The following ATP7A variants were observed in gnomAD, a reference collection of about 807,000 sequenced individuals.
ATP7A encodes the protein copper-transporting ATPase 1.
ATP7A carries 7 observed loss-of-function variants against 83.5 expected under a neutral mutation model. The observed-to-expected ratio is 0.08, with a 90% CI of 0.05 to 0.16. ATP7A has a LOEUF of 0.16. Among genes scored for constraint, ATP7A ranks in the 10% least tolerant of loss-of-function variants. The pLI is 1.00. For synonymous variants in ATP7A, 354 were observed against 395.2 expected (o/e 0.90, Z 1.24); for missense variants, 940 against 1,120.8 (o/e 0.84, Z 2.30).
intron 1 of ATP7A, chrX:77,962,939 A>G (rs1432990590): frequency 1.3e-5 from 4 of 303,779 alleles, no homozygotes; most frequent in Admixed American, 1.1e-4. Flanking sequence ...AATAATTCAT[A>G]CTTCCTCATA....
intron 7 of ATP7A, among the ~76,000 whole-genome samples, chrX:78,010,210 A>G (rs1557234256): frequency 1.8e-5 from 2 of 112,302 alleles, no homozygotes; most frequent in Non-Finnish European, 3.8e-5. Flanking sequence ...CAATGTGGTC[A>G]TATTCATTTT....
intron 1 of ATP7A, chrX:77,964,430 T>C (rs1557228440): frequency 9.0e-6 from 1 of 111,525 alleles, no homozygotes; most frequent in Admixed American, 9.5e-5. Flanking sequence ...TGGACTTTTT[T>C]TTTTATACTT....
intron 1 of ATP7A, among the ~76,000 whole-genome samples, chrX:77,932,232 G>A (rs1470448409): frequency 5.5e-5 from 6 of 109,196 alleles, no homozygotes; most frequent in African/African-American, 1.0e-4. Context: ...AGACGGGGTC[G>A]CGGCCGGGCA....
chrX:77,932,046 T>C (rs1337222451), intron 1 of ATP7A, among the ~76,000 whole-genome samples: 2 of 107,568 alleles, frequency 1.9e-5, no homozygotes, highest in African/African-American at 6.9e-5. Flanking sequence ...TGGCGGGGGC[T>C]GACCCCCACC....
At chrX:77,938,810 C>T (rs1453991611) in intron 1 of ATP7A, among the ~76,000 whole-genome samples, 2 of 111,812 alleles carry the variant, frequency 1.8e-5, no homozygotes, top group Non-Finnish European at 3.8e-5. Flanking sequence ...AACTTTGCTA[C>T]GTAGGTATAT....
At chrX:78,019,629 G>A (rs975320913) in intron 12 of ATP7A, among the ~76,000 whole-genome samples, 38 of 110,624 alleles carry the variant, frequency 3.4e-4, no homozygotes, top group African/African-American at 1.2e-3. Flanking sequence ...CACCATGCCT[G>A]GCTAACTTTT....
chrX:78,021,897 A>G (rs1447156002), intron 14 of ATP7A, among the ~76,000 whole-genome samples: 1 of 110,474 alleles, frequency 9.1e-6, no homozygotes, highest in Non-Finnish European at 1.9e-5. Context: ...AGCCTGCCCT[A>G]CTCCCCTACC....
At chrX:77,959,074 C>T (rs1347597427) in intron 1 of ATP7A, among the ~76,000 whole-genome samples, 1 of 111,165 alleles carries the variant, frequency 9.0e-6, no homozygotes, top group Non-Finnish European at 1.9e-5. Context: ...AGGTGTGAGC[C>T]AACGCACCCA....
At chrX:77,931,009 C>CTTTTTTTTTTTTTTTTTTTTTTTT (rs11379657) in intron 1 of ATP7A, among the ~76,000 whole-genome samples, 3 of 67,250 alleles carry the variant, frequency 4.5e-5, no homozygotes, top group Non-Finnish European at 5.3e-5. Flanking sequence ...TTTTTTTTAC[C>CTTTTTTTTTTTTTTTTTTTTTTTT]TTTTTTTTTA....
At chrX:77,995,358 A>C (rs782024669) in intron 4 of ATP7A, among the ~76,000 whole-genome samples, 1 of 110,562 alleles carries the variant, frequency 9.0e-6, no homozygotes, top group Admixed American at 9.6e-5. Flanking sequence ...TGAGGTCAGG[A>C]GTTCGAGACC....
In ATP7A at chrX:78,015,893, C is replaced by G. The variant is rs781862130; in HGVS notation, c.2626+12C>G. On this transcript the variant is annotated intron_variant, in intron 12 of 22. Coordinates refer to ENST00000341514, the MANE Select transcript of ATP7A (RefSeq NM_000052.7). The stretch of plus-strand genomic sequence containing the variant: ...GTCCCTCATCACAGGTATGTTCTTT[C>G]AAAGGATCATGACCAAAATGTTAAG... 6 of 1,208,685 alleles carry G rather than the reference C, an allele frequency of 5.0e-6. No homozygotes were observed. In the African/African-American group the frequency reaches 1.0e-4, roughly 21 times the overall value.
rs1197364943 is a variant in ATP7A, at chrX:78,048,691, A to T, written c.*2121A>T. The T allele has an allele frequency of 8.9e-6, 1 of 112,051 alleles. No homozygotes were observed. Among genetic ancestry groups the T allele is most frequent in the Non-Finnish European group, 1.9e-5 (1 of 53,129 alleles). 9.2% of individuals were successfully genotyped at this position (112,051 alleles called of 1,213,427 possible). A position where few individuals can be genotyped will look rare whatever the true frequency, so the allele number is the denominator to read the frequency against. On this transcript the variant is annotated 3_prime_UTR_variant, in exon 23 of 23. Coordinates refer to ENST00000341514, the MANE Select transcript of ATP7A (RefSeq NM_000052.7). Reference sequence around the variant, plus strand: ...GAAATATCAATGGGTTTGCATATCTAGGCCCTTTTTTTAGACCAATGCCTA... The same window carrying T: ...GAAATATCAATGGGTTTGCATATCTTGGCCCTTTTTTTAGACCAATGCCTA...
chrX:77,932,248 G>A (rs1262139794), intron 1 of ATP7A, among the ~76,000 whole-genome samples: 14 of 102,887 alleles, frequency 1.4e-4, no homozygotes, highest in Non-Finnish European at 2.8e-4. Context: ...GGGCAGAGGC[G>A]CTCCTCACAT....
rs2078092029 is a variant in ATP7A at position 78,047,792 on chromosome X, A to G, written c.*1222A>G. ...CGCCATGTTGGCTAGCCTGGTCTTA[A>G]ACTCCTAACCTCAGGTGATCCACCC... On this transcript the variant is annotated 3_prime_UTR_variant, in exon 23 of 23. Coordinates refer to ENST00000341514, the MANE Select transcript of ATP7A (RefSeq NM_000052.7). The G allele has an allele frequency of 9.0e-6, 1 of 111,615 alleles. No homozygotes were observed. The highest frequency in any genetic ancestry group is 1.9e-5 in the Non-Finnish European group (1 of 53,127). The allele number at this position is 111,615 out of a possible 1,213,427, so 9.2% of individuals were successfully genotyped here.
intron 1 of ATP7A, among the ~76,000 whole-genome samples, chrX:77,931,830 C>T (rs1183555737): frequency 3.3e-4 from 33 of 98,896 alleles, no homozygotes; most frequent in African/African-American, 1.2e-3. Context: ...CTGACCCCCC[C>T]CACCTCCCTC....
chrX:77,998,381 G>A (rs2077717667), intron 4 of ATP7A, 97 bp from the exon 5 acceptor site: 1 of 863,410 alleles, frequency 1.2e-6, no homozygotes, highest in Non-Finnish European at 1.7e-6. Context: ...TAAAGGAATA[G>A]ATTGTCAGTG....
intron 1 of ATP7A, among the ~76,000 whole-genome samples, chrX:77,961,271 G>T (rs1557228039): frequency 8.9e-6 from 1 of 111,954 alleles, no homozygotes; most frequent in African/African-American, 3.2e-5. Context: ...GTGCCTTTCT[G>T]CCTGACTGAT....
rs1298295685 is a variant in ATP7A at position 78,013,149 on chromosome X, G to A, written c.2406+37G>A. The A allele has an allele frequency of 8.0e-6, 9 of 1,128,252 alleles. No homozygotes were observed. In the Admixed American group the frequency reaches 2.0e-4, roughly 25 times the overall value. The allele number at this position is 1,128,252 out of a possible 1,213,427, so 93.0% of individuals were successfully genotyped here. ...AAGGGTGACATTTGTTAAAATGTTG[G>A]GTGGATAAATGACCTTAGTATTTTT... On this transcript the variant is annotated intron_variant, in intron 10 of 22. Coordinates refer to ENST00000341514, the MANE Select transcript of ATP7A (RefSeq NM_000052.7).
At chrX:77,937,866 TTC>T (rs1326169199) in intron 1 of ATP7A, among the ~76,000 whole-genome samples, 92 of 100,116 alleles carry the variant, frequency 9.2e-4, no homozygotes, top group Middle Eastern at 5.0e-3. Flanking sequence ...GATGGGATGG[TTC>T]TCTCTCTCTC....
Sources: gnomAD v4.1 joint callset for allele counts (sites outside exome capture counted in the v4.1 genomes callset) on GRCh38, gnomAD v4.1.1 for gene constraint, MANE v1.5 for transcripts, NCBI Gene and HGNC (gene_info 2026-07-23, HGNC 2026-07-21) for gene names.